Variants in DLG2 observed in about 807,000 individuals in gnomAD.
DLG2 encodes the protein disks large homolog 2.
Under a neutral mutation model 132.5 loss-of-function variants are expected in DLG2, and 45 were observed. The observed-to-expected ratio is 0.34, with a 90% CI of 0.27 to 0.44. The LOEUF is 0.44. DLG2 is among the 20% of genes least tolerant of loss of function. The pLI is 1.00. For missense variants in DLG2, 1,045 were observed against 1,196.9 expected, an observed-to-expected ratio of 0.87 and a Z score of 1.87; for synonymous variants, 424 against 419.6, an observed-to-expected ratio of 1.01 and a Z score of -0.13.
At position 83,484,236 on chromosome 11, in the gene DLG2, G is replaced by C; in HGVS notation, c.2194-8C>G. On this transcript the variant is annotated splice_polypyrimidine_tract_variant and splice_region_variant and intron_variant, in intron 21 of 27. Transcript: ENST00000376104. Reference sequence around the variant, plus strand: ...ACGCTTGTCATTGAATGACTGTGAAGGAGAAAAGGCATGGGGCAAAAACAG... The same window carrying C: ...ACGCTTGTCATTGAATGACTGTGAACGAGAAAAGGCATGGGGCAAAAACAG... 6.2e-7 allele frequency: 1 copy of C among 1,608,236 alleles called. No homozygotes were observed. Among genetic ancestry groups the C allele is most frequent in the African/African-American group, 1.3e-5 (1 of 74,724 alleles).
At chr11:84,635,653 G>C (rs984101407) in intron 6 of DLG2, among the ~76,000 whole-genome samples, 1 of 151,718 alleles carries the variant, frequency 6.6e-6, no homozygotes, top group African/African-American at 2.4e-5. Context: ...AAAAAACAAA[G>C]CACCTATATT....
intron 7 of DLG2, among the ~76,000 whole-genome samples, chr11:84,384,450 A>G (rs997824804): frequency 3.3e-5 from 5 of 152,072 alleles, no homozygotes; most frequent in Non-Finnish European, 7.4e-5. Context: ...TTGGGATAGT[A>G]AGCTTTGCAA....
chr11:84,951,629 CTA>C (rs991709477), intron 6 of DLG2, among the ~76,000 whole-genome samples: 1 of 148,670 alleles, frequency 6.7e-6, no homozygotes, highest in Non-Finnish European at 1.5e-5. Context: ...TATATGCATT[CTA>C]TATATATATA....
At chr11:84,927,728 A>G (rs1244258561) in intron 6 of DLG2, among the ~76,000 whole-genome samples, 6 of 151,942 alleles carry the variant, frequency 3.9e-5, no homozygotes, top group Non-Finnish European at 8.8e-5. Flanking sequence ...AGAAAATATT[A>G]TGATGATGAT....
At chr11:84,687,447 C>T (rs557608512) in intron 6 of DLG2, among the ~76,000 whole-genome samples, 1 of 152,276 alleles carries the variant, frequency 6.6e-6, no homozygotes, top group Admixed American at 6.5e-5. Context: ...AGTCACCTAG[C>T]TTTCAACATA....
intron 6 of DLG2, among the ~76,000 whole-genome samples, chr11:85,025,556 G>A (rs2060443964): frequency 6.6e-6 from 1 of 152,080 alleles, no homozygotes; most frequent in Middle Eastern, 3.2e-3. Context: ...TTCTTGTATA[G>A]GATTACTTAA....
chr11:85,513,282 C>G (rs565470520), intron 3 of DLG2, among the ~76,000 whole-genome samples: 7 of 152,004 alleles, frequency 4.6e-5, no homozygotes, highest in African/African-American at 1.4e-4. Flanking sequence ...AAGCCCAAAC[C>G]TCAACGTCAT....
intron 6 of DLG2, among the ~76,000 whole-genome samples, chr11:84,609,800 T>G (rs1305859275): frequency 6.6e-6 from 1 of 152,162 alleles, no homozygotes; most frequent in Non-Finnish European, 1.5e-5. Context: ...AAATGACACA[T>G]GGACTGGCAG....
chr11:83,816,374 T>C (rs1256759399), intron 17 of DLG2, among the ~76,000 whole-genome samples: 2 of 152,198 alleles, frequency 1.3e-5, no homozygotes, highest in Non-Finnish European at 2.9e-5. Context: ...AGACTGTCTG[T>C]CTTAGCAGAG....
chr11:84,013,140 C>CA (rs768685053), intron 11 of DLG2, among the ~76,000 whole-genome samples: 13 of 152,118 alleles, frequency 8.5e-5, no homozygotes, highest in Non-Finnish European at 1.5e-4. Context: ...AGTAATTTCT[C>CA]AGAGTTACAA....
chr11:84,166,500 C>CAAAAAAAAAAAAAAA (rs398016937), intron 8 of DLG2, among the ~76,000 whole-genome samples: 2 of 81,016 alleles, frequency 2.5e-5, no homozygotes, highest in Non-Finnish European at 2.3e-5. Flanking sequence ...GACTCTGCTT[C>CAAAAAAAAAAAAAAA]AAAAAAAAAA....
intron 11 of DLG2, among the ~76,000 whole-genome samples, chr11:84,020,689 G>A (rs1247043864): frequency 6.6e-6 from 1 of 152,260 alleles, no homozygotes; most frequent in African/African-American, 2.4e-5. Context: ...CATTTTCAGT[G>A]TTTGTCTTTC....
chr11:84,636,253 T>C (rs1323150528), intron 6 of DLG2, among the ~76,000 whole-genome samples: 1 of 152,216 alleles, frequency 6.6e-6, no homozygotes, highest in African/African-American at 2.4e-5. Flanking sequence ...CAGAGATTCA[T>C]TTGGCCGAGA....
intron 18 of DLG2, among the ~76,000 whole-genome samples, chr11:83,772,175 A>C (rs2153792071): frequency 6.6e-6 from 1 of 152,212 alleles, no homozygotes. Flanking sequence ...TGGGAGGCTG[A>C]GGCAGGCAGA....
intron 6 of DLG2, among the ~76,000 whole-genome samples, chr11:84,585,326 T>C (rs2099527074): frequency 6.6e-6 from 1 of 152,204 alleles, no homozygotes; most frequent in Non-Finnish European, 1.5e-5. Flanking sequence ...GCTCTAGAAC[T>C]GGTGAACTTA....
At chr11:84,003,449 A>C (rs1391450391) in intron 11 of DLG2, among the ~76,000 whole-genome samples, 1 of 152,154 alleles carries the variant, frequency 6.6e-6, no homozygotes, top group African/African-American at 2.4e-5. Flanking sequence ...AGTGATTTAT[A>C]AAGGAAAGAA....
chr11:83,894,021 A>G (rs1008872146), intron 15 of DLG2, among the ~76,000 whole-genome samples: 4 of 152,220 alleles, frequency 2.6e-5, no homozygotes, highest in Non-Finnish European at 5.9e-5. Context: ...ATCAAGGCAT[A>G]TCCTCATTCA....
intron 7 of DLG2, among the ~76,000 whole-genome samples, chr11:84,426,499 G>A (rs1023470694): frequency 6.6e-6 from 1 of 152,120 alleles, no homozygotes; most frequent in Non-Finnish European, 1.5e-5. Flanking sequence ...CTGTAAAAAT[G>A]TGGATATAAT....
At chr11:84,832,182 G>T (rs1478260719) in intron 6 of DLG2, among the ~76,000 whole-genome samples, 1 of 151,538 alleles carries the variant, frequency 6.6e-6, no homozygotes, top group Non-Finnish European at 1.5e-5. Flanking sequence ...TTAAAAACAA[G>T]AATTCCAAAG....
Sources: allele counts gnomAD v4.1 joint callset (sites outside exome capture counted in the v4.1 genomes callset), GRCh38; gene constraint gnomAD v4.1.1; transcripts MANE v1.5; gene names NCBI Gene and HGNC (gene_info 2026-07-23, HGNC 2026-07-21).